CFAP157: variants seen among roughly 807,000 people sequenced by gnomAD.
CFAP157 encodes the protein cilia and flagella associated protein 157.
A neutral mutation model predicts 57.8 loss-of-function variants in CFAP157; 43 were observed. The observed-to-expected ratio is 0.74, with a 90% CI of 0.58 to 0.96. The LOEUF is 0.96. Ranked by LOEUF, CFAP157 falls within the 40% of genes least tolerant of loss-of-function variation. CFAP157 has a pLI of 0.00. For synonymous variants in CFAP157, 267 were observed against 269.0 expected (o/e 0.99, Z 0.07); for missense variants, 606 against 655.3 (o/e 0.92, Z 0.82).
Position 127,715,230 on chromosome 9 carries a change from C to A in CFAP157, c.*1325C>A. 6.6e-7 allele frequency: 1 copy of A among 1,519,078 alleles called. No homozygotes were observed. Among genetic ancestry groups the A allele is most frequent in the Non-Finnish European group, 8.8e-7 (1 of 1,132,868 alleles). 94.1% of individuals were successfully genotyped at this position (1,519,078 alleles called of 1,614,324 possible). A position where few individuals can be genotyped will look rare whatever the true frequency, so the allele number is the denominator to read the frequency against. On this transcript the variant is annotated 3_prime_UTR_variant, in exon 9 of 9. Transcript: ENST00000373295. This position sits in a 1 kb window ranked among gnomAD's most constrained non-coding sequence, Gnocchi z 5.8. ...CACCAGGGAAACTGAGGCCCAACAA[C>A]TCTCGCCACCCCCGATCTCACAGCG...
intron 1 of CFAP157, among the ~76,000 whole-genome samples, 159 bp downstream of exon 1, chr9:127,707,351 A>T (rs1842670054): frequency 6.6e-6 from 1 of 151,978 alleles, no homozygotes; most frequent in Admixed American, 6.5e-5. Flanking sequence ...CCTCATACGT[A>T]CCTTTGGGAG....
Position 127,714,957 on chromosome 9 carries a change from CTGGCG to C in CFAP157, c.*1053_*1057del. The C allele has an allele frequency of 7.4e-7, 1 of 1,353,156 alleles. No homozygotes were observed. The allele number at this position is 1,353,156 out of a possible 1,614,324, so 83.8% of individuals were successfully genotyped here. On this transcript the variant is annotated 3_prime_UTR_variant, in exon 9 of 9. Transcript: ENST00000373295. ...ACCCCCTTGGCCCGCCCGCCCACCC[CTGGCG>C]CTCTCAACTCACCAGCCCGGGCCAC...
rs1405822727 is a variant in CFAP157, at chr9:127,714,081, G to A, written c.*176G>A. ...GTTGGTGGGCACTACAGTCAGGCAGGCAGCCATGGCCACTAGTGTCACGGC... is the reference window on the plus strand; with the variant it reads ...GTTGGTGGGCACTACAGTCAGGCAGACAGCCATGGCCACTAGTGTCACGGC... On this transcript the variant is annotated 3_prime_UTR_variant, in exon 9 of 9. Transcript: ENST00000373295. 1 of 1,608,230 alleles carries A rather than the reference G, an allele frequency of 6.2e-7. No homozygotes were observed. Among genetic ancestry groups the A allele is most frequent in the Non-Finnish European group, 8.5e-7 (1 of 1,177,534 alleles).
At chr9:127,710,847 G>C in intron 3 of CFAP157, 93 bp downstream of exon 3, 1 of 1,397,044 alleles carries the variant, frequency 7.2e-7, no homozygotes, top group African/African-American at 1.4e-5. Context: ...CTAACTGGGG[G>C]GTTAGATGGG....
chr9:127,714,251 C>A lies in CFAP157; in HGVS notation c.*346C>A, dbSNP rs111378450. 1.1e-5 allele frequency: 17 copies of A among 1,613,834 alleles called. No individual in the cohort carries two copies. In the East Asian group the frequency reaches 3.1e-4, roughly 30 times the overall value. On this transcript the variant is annotated 3_prime_UTR_variant, in exon 9 of 9. Coordinates refer to ENST00000373295, the MANE Select transcript of CFAP157 (RefSeq NM_001012502.3). ...CTGAACCGCCTCAGGGTGCGCCGGGCGCCCGATACCCACCCGCAGCCTTGG... is the reference window on the plus strand; with the variant it reads ...CTGAACCGCCTCAGGGTGCGCCGGGAGCCCGATACCCACCCGCAGCCTTGG...
chr9:127,714,606 G>T lies in CFAP157; in HGVS notation c.*701G>T. On this transcript the variant is annotated 3_prime_UTR_variant, in exon 9 of 9. Transcript: ENST00000373295. ...CCTGACCATCTCAGGACCTCACCTG[G>T]CACTGCCCCCCAGCTTCAGAGCCAG... 1 of 1,613,516 alleles carries T rather than the reference G, an allele frequency of 6.2e-7. No homozygotes were observed. The highest frequency in any genetic ancestry group is 8.5e-7 in the Non-Finnish European group (1 of 1,179,630).
intron 6 of CFAP157, 101 bp from the exon 7 acceptor site, chr9:127,712,608 G>A (rs1157349335): frequency 1.9e-6 from 3 of 1,598,242 alleles, no homozygotes; most frequent in Non-Finnish European, 2.6e-6. Flanking sequence ...ACCACAGACA[G>A]GGAAAACTTC....
At position 127,711,250 on chromosome 9, in the gene CFAP157, G is replaced by A; in HGVS notation, c.609G>A (p.Gln203=). Residue 203 remains glutamine, a synonymous_variant, in exon 4 of 9, where the codon CAG becomes CAA. Coordinates refer to ENST00000373295, the MANE Select transcript of CFAP157 (RefSeq NM_001012502.3). ...DKDRLRKEII[Q]RVNLVANEFH... Reference sequence around the variant, plus strand: ...CCAGACTGAGGAAAGAGATCATCCAGCGCGTGAACCTCGTGGCCAATGAGT... The same window carrying A: ...CCAGACTGAGGAAAGAGATCATCCAACGCGTGAACCTCGTGGCCAATGAGT... 1 of 1,614,112 alleles carries A rather than the reference G, an allele frequency of 6.2e-7. No homozygotes were observed. Among genetic ancestry groups the A allele is most frequent in the Non-Finnish European group, 8.5e-7 (1 of 1,180,010 alleles).
chr9:127,712,885 T>C lies in CFAP157; in HGVS notation c.1304+10T>C. The C allele has an allele frequency of 1.9e-6, 3 of 1,604,008 alleles. No individual in the cohort carries two copies. The highest frequency in any genetic ancestry group is 2.6e-6 in the Non-Finnish European group (3 of 1,174,900). On this transcript the variant is annotated intron_variant, in intron 7 of 8. Coordinates refer to ENST00000373295, the MANE Select transcript of CFAP157 (RefSeq NM_001012502.3). The stretch of plus-strand genomic sequence containing the variant: ...GCCCACCCAAGGAGAGGTAAGCAAG[T>C]GGCCCTGTGTGGCCTCAGAGGCAGC...
At position 127,712,730 on chromosome 9, in the gene CFAP157, A is replaced by G; in HGVS notation, c.1159A>G (p.Ser387Gly). The G allele has an allele frequency of 6.2e-7, 1 of 1,614,186 alleles. No homozygotes were observed. The highest frequency in any genetic ancestry group is 8.5e-7 in the Non-Finnish European group (1 of 1,180,018). Residue 387 changes from serine (S) to glycine (G), a missense_variant, in exon 7 of 9, where the codon AGT (serine) becomes GGT (glycine). Coordinates refer to ENST00000373295, the MANE Select transcript of CFAP157 (RefSeq NM_001012502.3). Reference protein sequence around the residue: ...ILQMHRDEEDSDVDVTFQPWH... With the variant: ...ILQMHRDEEDGDVDVTFQPWH... The stretch of plus-strand genomic sequence containing the variant: ...ACAGATGCACCGCGATGAAGAGGAC[A>G]GTGACGTTGACGTGACGTTCCAGCC...
At position 127,710,504 on chromosome 9, in the gene CFAP157, G is replaced by C. The variant is rs553842816; in HGVS notation, c.434-97G>C. On this transcript the variant is annotated intron_variant, in intron 2 of 8. Coordinates refer to ENST00000373295, the MANE Select transcript of CFAP157 (RefSeq NM_001012502.3). ...CCACTGAGACCACACAGGGCGCACA[G>C]GAAGGGACAGGGACCTAAGGGGCAT... 12 of 1,434,308 alleles carry C rather than the reference G, an allele frequency of 8.4e-6. No homozygotes were observed. In the African/African-American group the frequency reaches 1.5e-4, roughly 18 times the overall value. 88.8% of individuals were successfully genotyped at this position (1,434,308 alleles called of 1,614,324 possible).
At chr9:127,712,023 C>A in intron 5 of CFAP157, 73 bp downstream of exon 5, 1 of 1,539,128 alleles carries the variant, frequency 6.5e-7, no homozygotes. Flanking sequence ...TCTTTCCGAT[C>A]CCACGACCCA....
At position 127,714,972 on chromosome 9, in the gene CFAP157, C is replaced by G; in HGVS notation, c.*1067C>G. The G allele has an allele frequency of 8.4e-7, 1 of 1,195,858 alleles. No homozygotes were observed. Among genetic ancestry groups the G allele is most frequent in the Non-Finnish European group, 1.1e-6 (1 of 900,694 alleles). 74.1% of individuals were successfully genotyped at this position (1,195,858 alleles called of 1,614,324 possible). On this transcript the variant is annotated 3_prime_UTR_variant, in exon 9 of 9. Transcript: ENST00000373295. ...CCGCCCACCCCTGGCGCTCTCAACT[C>G]ACCAGCCCGGGCCACGCTGCGCCCG...
chr9:127,709,549 G>A lies in CFAP157; in HGVS notation c.289G>A (p.Glu97Lys), dbSNP rs751781796. The A allele has an allele frequency of 4.3e-6, 7 of 1,614,022 alleles. No homozygotes were observed. In the African/African-American group the frequency reaches 9.3e-5, roughly 22 times the overall value. Reference protein sequence around the residue: ...LKRTLNQQVDEITDLNEQLQN... With the variant: ...LKRTLNQQVDKITDLNEQLQN... ...GCGCACGCTCAACCAGCAGGTGGAT[G>A]AGATCACAGACCTCAACGAGCAGCT... is the stretch of plus-strand genomic sequence containing the variant. The change falls in exon 2 of 9, where the codon GAG (glutamate) becomes AAG (lysine). Residue 97 changes from glutamate (E) to lysine (K), a missense_variant. By Grantham distance (56) the Glu-to-Lys change is moderately conservative (BLOSUM62 1). Transcript: ENST00000373295. This position sits in a 1 kb window ranked among gnomAD's most constrained non-coding sequence, Gnocchi z 4.7.
In CFAP157 at chr9:127,715,160, G is replaced by C. The variant is rs780609750; in HGVS notation, c.*1255G>C. 1.3e-6 allele frequency: 2 copies of C among 1,533,004 alleles called. No homozygotes were observed. Among genetic ancestry groups the C allele is most frequent in the South Asian group, 2.4e-5 (2 of 83,626 alleles). 95.0% of individuals were successfully genotyped at this position (1,533,004 alleles called of 1,614,324 possible). A position where few individuals can be genotyped will look rare whatever the true frequency, so the allele number is the denominator to read the frequency against. ...CACCGCCATGCCCACGCTGTGTCGC[G>C]TGCCGGGCAGTCCGGGATTCCCCAG... On this transcript the variant is annotated 3_prime_UTR_variant, in exon 9 of 9. Coordinates refer to ENST00000373295, the MANE Select transcript of CFAP157 (RefSeq NM_001012502.3). This position sits in a 1 kb window ranked among gnomAD's most constrained non-coding sequence, Gnocchi z 5.8.
chr9:127,707,138 A>C lies in CFAP157; in HGVS notation c.107A>C (p.Glu36Ala). ...GCCGTGGAGCCGCCTCTGGCCAAGGAGATGAAGGAGTTCTACCACATCCAG... is the reference window on the plus strand; with the variant it reads ...GCCGTGGAGCCGCCTCTGGCCAAGGCGATGAAGGAGTTCTACCACATCCAG... The part of the protein sequence containing the change: ...VVAVEPPLAK[E>A]MKEFYHIQIR... The change falls in exon 1 of 9, where the codon GAG (glutamate) becomes GCG (alanine). Residue 36 changes from glutamate to alanine, a missense_variant. Glu to Ala is a moderately radical substitution (Grantham distance 107). Coordinates refer to ENST00000373295, the MANE Select transcript of CFAP157 (RefSeq NM_001012502.3). 1 of 1,613,764 alleles carries C rather than the reference A, an allele frequency of 6.2e-7. No homozygotes were observed. The highest frequency in any genetic ancestry group is 8.5e-7 in the Non-Finnish European group (1 of 1,180,000).
At chr9:127,712,532 G>C in intron 6 of CFAP157, 177 bp from the exon 7 acceptor site, 2 of 1,503,580 alleles carry the variant, frequency 1.3e-6, no homozygotes, top group Non-Finnish European at 1.8e-6. Flanking sequence ...AAAGGAGCTG[G>C]ATTCCTTCTC....
At position 127,715,715 on chromosome 9, in the gene CFAP157, G is replaced by A; in HGVS notation, c.*1810G>A. ...AGCCAATCGTGTTGCCAACTGTTTG[G>A]CGTCCACCGCCAACGTCCAATCCGG... is the stretch of plus-strand genomic sequence containing the variant. On this transcript the variant is annotated 3_prime_UTR_variant, in exon 9 of 9. Coordinates refer to ENST00000373295, the MANE Select transcript of CFAP157 (RefSeq NM_001012502.3). The surrounding 1 kb of genome is among the most constrained non-coding windows in gnomAD (Gnocchi z 5.8). 6.4e-7 allele frequency: 1 copy of A among 1,557,856 alleles called. No individual in the cohort carries two copies. Among genetic ancestry groups the A allele is most frequent in the Non-Finnish European group, 8.6e-7 (1 of 1,156,924 alleles).
intron 5 of CFAP157, 22 bp from the exon 6 acceptor site, chr9:127,712,177 A>G (rs978488547): frequency 1.2e-4 from 200 of 1,612,844 alleles, no homozygotes; most frequent in Non-Finnish European, 1.7e-4. Flanking sequence ...AAGGCTGTTG[A>G]CTCATCCCAG....
Sources: gnomAD v4.1 joint callset for allele counts (sites outside exome capture counted in the v4.1 genomes callset) on GRCh38, gnomAD v4.1.1 for gene constraint, Gnocchi (gnomAD v3.1) non-coding constraint, MANE v1.5 for transcripts, NCBI Gene and HGNC (gene_info 2026-07-23, HGNC 2026-07-21) for gene names.